The following BCL2 variants were observed in gnomAD, a reference collection of about 807,000 sequenced individuals.
The protein encoded by BCL2 is apoptosis regulator Bcl-2.
Under a neutral mutation model 14.2 loss-of-function variants are expected in BCL2, and 1 was observed. The observed-to-expected ratio is 0.07, with a 90% CI of 0.02 to 0.33. BCL2 has a LOEUF of 0.33. BCL2 is among the 10% of genes least tolerant of loss of function. BCL2 has a pLI of 0.99. For missense variants in BCL2, 247 were observed against 305.9 expected, an observed-to-expected ratio of 0.81 and a Z score of 1.44; for synonymous variants, 151 against 137.2, an observed-to-expected ratio of 1.10 and a Z score of -0.70.
chr18:63,284,673 G>A (rs1017547553), intron 2 of BCL2, among the ~76,000 whole-genome samples: 9 of 152,180 alleles, frequency 5.9e-5, no homozygotes, highest in Admixed American at 2.6e-4. Flanking sequence ...TCAAATGTAT[G>A]ACTCAAGAGC....
At chr18:63,143,653 G>C (rs546100996) in intron 2 of BCL2, among the ~76,000 whole-genome samples, 1 of 152,382 alleles carries the variant, frequency 6.6e-6, no homozygotes, top group Admixed American at 6.5e-5. Context: ...AATTTGAACT[G>C]TGCTACGGGG....
At chr18:63,255,241 T>A (rs539997223) in intron 2 of BCL2, among the ~76,000 whole-genome samples, 73 of 152,360 alleles carry the variant, frequency 4.8e-4, no homozygotes, top group Non-Finnish European at 7.9e-4. Flanking sequence ...TTCTGTGGTA[T>A]ATGTTCCTGG....
intron 2 of BCL2, among the ~76,000 whole-genome samples, chr18:63,207,144 C>G (rs1300160646): frequency 6.6e-6 from 1 of 152,128 alleles, no homozygotes; most frequent in Non-Finnish European, 1.5e-5. Context: ...CAAAGGAGCA[C>G]AGTGGAGGAG....
At chr18:63,296,021 A>C (rs1050154448) in intron 2 of BCL2, among the ~76,000 whole-genome samples, 1 of 152,130 alleles carries the variant, frequency 6.6e-6, no homozygotes, top group African/African-American at 2.4e-5. Context: ...AAAATTCAGC[A>C]AGTCTTACCT....
At chr18:63,174,439 T>C (rs1599225008) in intron 2 of BCL2, among the ~76,000 whole-genome samples, 1 of 152,170 alleles carries the variant, frequency 6.6e-6, no homozygotes, top group East Asian at 1.9e-4. Flanking sequence ...CCTGTCAATT[T>C]ACAACCTAGT....
chr18:63,207,450 G>A (rs1345551857), intron 2 of BCL2, among the ~76,000 whole-genome samples: 1 of 152,220 alleles, frequency 6.6e-6, no homozygotes, highest in East Asian at 1.9e-4. Flanking sequence ...ATTCAAAGAT[G>A]GTCAAGAGCT....
chr18:63,193,784 C>T (rs1335152022), intron 2 of BCL2, among the ~76,000 whole-genome samples: 1 of 152,030 alleles, frequency 6.6e-6, no homozygotes, highest in Non-Finnish European at 1.5e-5. Context: ...ATATATCAAA[C>T]ATATGGTTCT....
intron 2 of BCL2, among the ~76,000 whole-genome samples, chr18:63,253,502 A>C (rs933834499): frequency 5.9e-5 from 9 of 152,352 alleles, no homozygotes; most frequent in African/African-American, 2.2e-4. Context: ...ATCACCGCAG[A>C]GACTTTATGA....
chr18:63,207,385 G>A (rs367870105), intron 2 of BCL2, among the ~76,000 whole-genome samples: 7 of 152,260 alleles, frequency 4.6e-5, no homozygotes, highest in East Asian at 3.8e-4. Context: ...AAATGTAGTC[G>A]TCAGAAGAGT....
intron 2 of BCL2, among the ~76,000 whole-genome samples, chr18:63,171,660 T>A (rs905285323): frequency 3.3e-5 from 5 of 152,218 alleles, no homozygotes; most frequent in African/African-American, 1.2e-4. Flanking sequence ...ATGGTAAATA[T>A]GCTTCAAGCT....
intron 2 of BCL2, among the ~76,000 whole-genome samples, chr18:63,207,037 C>T (rs973336810): frequency 6.6e-6 from 1 of 152,066 alleles, no homozygotes; most frequent in Non-Finnish European, 1.5e-5. Context: ...TGGCTGAATT[C>T]GGGGTAAACA....
intron 2 of BCL2, among the ~76,000 whole-genome samples, chr18:63,150,386 C>G (rs1305681979): frequency 6.6e-6 from 1 of 152,244 alleles, no homozygotes; most frequent in Non-Finnish European, 1.5e-5. Flanking sequence ...ATACTGTGGG[C>G]CCAGGAGGGC....
intron 2 of BCL2, among the ~76,000 whole-genome samples, chr18:63,295,627 GA>G (rs1449133841): frequency 7.9e-5 from 12 of 152,294 alleles, no homozygotes; most frequent in African/African-American, 2.9e-4. Context: ...TGGCGGGTCA[GA>G]AGAATACAAC....
Position 63,174,397 on chromosome 18 carries a change from C to A in BCL2, c.586-45638G>T, listed in dbSNP as rs370233578. On this transcript the variant is annotated intron_variant, in intron 2 of 2. Transcript: ENST00000333681. ...ATTGTTGTTTTTTTTTTCTTCTCTG[C>A]TCCTCTTTTTCTGATGTATGTGGAT... Among the ~76,000 whole-genome samples, 6 of 152,040 alleles carry A rather than the reference C, an allele frequency of 3.9e-5. No homozygotes were observed. The East Asian group carries it at 9.6e-4, about 24-fold the overall frequency.
At chr18:63,157,812 C>T (rs1914821028) in intron 2 of BCL2, among the ~76,000 whole-genome samples, 1 of 152,158 alleles carries the variant, frequency 6.6e-6, no homozygotes, top group Admixed American at 6.5e-5. Flanking sequence ...ATGTCTAGGC[C>T]AAGTACGTGC....
intron 2 of BCL2, among the ~76,000 whole-genome samples, chr18:63,227,293 T>G (rs1910575088): frequency 6.6e-6 from 1 of 152,242 alleles, no homozygotes; most frequent in South Asian, 2.1e-4. Context: ...TCCCAAATCC[T>G]TAATGAAATA....
chr18:63,194,277 A>G (rs1909378403), intron 2 of BCL2, among the ~76,000 whole-genome samples: 1 of 152,180 alleles, frequency 6.6e-6, no homozygotes, highest in African/African-American at 2.4e-5. Context: ...GGTCAGTCAA[A>G]TATCTTAGCA....
chr18:63,199,206 A>T (rs1909607977), intron 2 of BCL2, among the ~76,000 whole-genome samples: 1 of 151,270 alleles, frequency 6.6e-6, no homozygotes, highest in Non-Finnish European at 1.5e-5. Flanking sequence ...CAACACACAG[A>T]CACACACAAC....
At chr18:63,237,955 T>TC (rs1555702753) in intron 2 of BCL2, among the ~76,000 whole-genome samples, 2 of 151,580 alleles carry the variant, frequency 1.3e-5, no homozygotes, top group East Asian at 3.9e-4. Context: ...TTTTTTTTTT[T>TC]CCTCTTTCTT....
Sources: allele counts gnomAD v4.1 joint callset (sites outside exome capture counted in the v4.1 genomes callset), GRCh38; gene constraint gnomAD v4.1.1; transcripts MANE v1.5; gene names NCBI Gene and HGNC (gene_info 2026-07-23, HGNC 2026-07-21).